Variants in MCFD2 observed in about 807,000 individuals in gnomAD.
MCFD2 encodes multiple coagulation factor deficiency 2, ER cargo receptor complex subunit, also known as multiple coagulation factor deficiency protein 2.
MCFD2 carries 11 observed loss-of-function variants against 12.8 expected under a neutral mutation model. That is an observed-to-expected ratio of 0.86 (90% CI 0.54 to 1.42). The LOEUF (loss-of-function observed/expected upper bound fraction) is 1.42, where lower values mean the gene tolerates loss of function less well. Ranked by LOEUF, MCFD2 falls within the 40% of genes most tolerant of loss-of-function variation. The pLI, the probability that MCFD2 is intolerant of heterozygous loss-of-function variation, is 0.00. For missense variants in MCFD2, 191 were observed against 178.6 expected, an observed-to-expected ratio of 1.07 and a Z score of -0.40; for synonymous variants, 70 against 68.1, an observed-to-expected ratio of 1.03 and a Z score of -0.14.
intron 3 of MCFD2, 197 bp from the exon 4 acceptor site, chr2:46,905,791 G>C (rs907570690): frequency 1.6e-6 from 1 of 644,276 alleles, no homozygotes; most frequent in Non-Finnish European, 2.8e-6. Context: ...CTACTTCTAG[G>C]AATCTAGATA....
At chr2:46,935,971 G>C (rs1384666500) in intron 1 of MCFD2, among the ~76,000 whole-genome samples, 2 of 151,936 alleles carry the variant, frequency 1.3e-5, no homozygotes, top group Non-Finnish European at 2.9e-5. Flanking sequence ...TGTGCCTGTA[G>C]TCCCAGCTAC....
chr2:46,917,127 C>T, upstream of MCFD2: 1 of 695,588 alleles, frequency 1.4e-6, no homozygotes, highest in Admixed American at 2.1e-5. Flanking sequence ...TTGAAATCTG[C>T]CACCCCATCC....
At chr2:46,916,152 A>T (rs1468810734), upstream of MCFD2, 2 of 985,102 alleles carry the variant, frequency 2.0e-6, no homozygotes, top group African/African-American at 3.5e-5. Flanking sequence ...AACTCCGCTC[A>T]CCCCCTCCTA....
chr2:46,935,399 C>T (rs935657705), intron 1 of MCFD2, among the ~76,000 whole-genome samples: 8 of 152,120 alleles, frequency 5.3e-5, no homozygotes, highest in African/African-American at 1.2e-4. Flanking sequence ...TCCTTTCTTG[C>T]CACTGAGCTT....
At chr2:46,909,247 G>C in intron 1 of MCFD2, 70 bp from the exon 2 acceptor site, 1 of 1,525,708 alleles carries the variant, frequency 6.6e-7, no homozygotes, top group Non-Finnish European at 8.9e-7. Context: ...GGCTTGACAT[G>C]GTATGATCCT....
At position 46,941,565 on chromosome 2, in the gene MCFD2, C is replaced by A; in HGVS notation, c.-8+7G>T. 6.4e-7 allele frequency: 1 copy of A among 1,556,578 alleles called. No individual in the cohort carries two copies. The highest frequency in any genetic ancestry group is 8.7e-7 in the Non-Finnish European group (1 of 1,150,708). On this transcript the variant is annotated splice_region_variant and intron_variant, in intron 1 of 2. Transcript: ENST00000409147. The surrounding 1 kb of genome is among the most constrained non-coding windows in gnomAD (Gnocchi z 4.2). ...AGATGGCTGCGAAGGGCGCGCACGG[C>A]TCCTACCTGAAGGTGGAGAGCGAGC...
At chr2:46,922,077 T>G (rs1451960475) in intron 1 of MCFD2, among the ~76,000 whole-genome samples, 2 of 152,230 alleles carry the variant, frequency 1.3e-5, no homozygotes, top group East Asian at 3.8e-4. Context: ...GGAAAGCTGA[T>G]TAGCTGGCAT....
chr2:46,915,519 C>G, intron 1 of MCFD2, among the ~76,000 whole-genome samples: 1 of 152,194 alleles, frequency 6.6e-6, no homozygotes, highest in East Asian at 1.9e-4. Context: ...TCGGCCCCGT[C>G]TGGCTCCAGA....
rs1254152099 is a variant in MCFD2 at position 46,937,763 on chromosome 2, T to C, written c.-8+3809A>G. ...CAACAGTGATTTCAAAGGCCATGGATTGCATAGGAAGCTGAAGGGGTTTGG... is the reference window on the plus strand; with the variant it reads ...CAACAGTGATTTCAAAGGCCATGGACTGCATAGGAAGCTGAAGGGGTTTGG... On this transcript the variant is annotated intron_variant, in intron 1 of 2. Coordinates refer to the MCFD2 transcript ENST00000409147. This position sits in a 1 kb window ranked among gnomAD's most constrained non-coding sequence, Gnocchi z 4.0. 1.3e-4 allele frequency among the ~76,000 whole-genome samples: 20 copies of C among 152,194 alleles called. No homozygotes were observed. Among genetic ancestry groups the C allele is most frequent in the Admixed American group, 1.3e-3 (20 of 15,280 alleles).
chr2:46,931,193 G>A (rs1296421649), intron 1 of MCFD2, among the ~76,000 whole-genome samples: 1 of 152,218 alleles, frequency 6.6e-6, no homozygotes, highest in African/African-American at 2.4e-5. Context: ...ATGGCTCACT[G>A]CAGCTTTCAG....
chr2:46,919,802 C>T (rs1176947924), upstream of MCFD2, among the ~76,000 whole-genome samples: 1 of 152,238 alleles, frequency 6.6e-6, no homozygotes, highest in East Asian at 1.9e-4. Context: ...ACTTAATACA[C>T]TGCCACCAAA....
chr2:46,923,889 C>G (rs755139953), intron 1 of MCFD2, among the ~76,000 whole-genome samples: 1 of 152,042 alleles, frequency 6.6e-6, no homozygotes, highest in Non-Finnish European at 1.5e-5. Flanking sequence ...CCTGCCACCA[C>G]GCCCAGCTAA....
Position 46,941,581 on chromosome 2 carries a change from G to A in MCFD2, c.-17C>T. ...CGCGCACGGCTCCTACCTGAAGGTG[G>A]AGAGCGAGCTGGAGCGCTGCCGCGC... On this transcript the variant is annotated 5_prime_UTR_variant, in exon 1 of 3. Coordinates refer to the MCFD2 transcript ENST00000409147. This position sits in a 1 kb window ranked among gnomAD's most constrained non-coding sequence, Gnocchi z 4.2. 6.4e-7 allele frequency: 1 copy of A among 1,557,648 alleles called. No homozygotes were observed. The highest frequency in any genetic ancestry group is 8.7e-7 in the Non-Finnish European group (1 of 1,151,378).
Position 46,907,979 on chromosome 2 carries a change from AAC to A in MCFD2, c.150-12_150-11del, listed in dbSNP as rs767195582. On this transcript the variant is annotated splice_polypyrimidine_tract_variant and intron_variant, in intron 2 of 3. Transcript: ENST00000319466. The surrounding 1 kb of genome is among the most constrained non-coding windows in gnomAD (Gnocchi z 4.1). ...ATGCTCCATGATATGCCTAAAAATC[AAC>A]AGTCAGGTTCAGGCCAATTGACAGA... is the stretch of plus-strand genomic sequence containing the variant. 6.2e-7 allele frequency: 1 copy of A among 1,614,080 alleles called. No homozygotes were observed. The highest frequency in any genetic ancestry group is 8.5e-7 in the Non-Finnish European group (1 of 1,180,028).
At chr2:46,934,787 CTT>C (rs1161003607) in intron 1 of MCFD2, among the ~76,000 whole-genome samples, 22,672 of 67,050 alleles carry the variant, frequency 0.34, 5,537 homozygotes, top group East Asian at 0.54. Context: ...GACTACTGCT[CTT>C]TTTTTTTTTT....
chr2:46,915,886 C>T (rs1341655947), upstream of MCFD2: 3 of 984,768 alleles, frequency 3.0e-6, no homozygotes, highest in Admixed American at 1.2e-4. Flanking sequence ...CCGGGCCCCT[C>T]CCGCTGGCGG....
At chr2:46,905,841 A>G in intron 3 of MCFD2, 2 of 594,024 alleles carry the variant, frequency 3.4e-6, no homozygotes, top group Middle Eastern at 3.0e-4. Context: ...AATTTATCAT[A>G]ATCCAGTTTA....
intron 1 of MCFD2, among the ~76,000 whole-genome samples, chr2:46,922,883 C>T (rs1418230210): frequency 6.6e-6 from 1 of 152,240 alleles, no homozygotes; most frequent in Non-Finnish European, 1.5e-5. Context: ...TTTTACAAAA[C>T]AGCCCTCTCT....
At chr2:46,915,806 GCCCCGCCCCCC>G, upstream of MCFD2, 1 of 512,574 alleles carries the variant, frequency 2.0e-6, no homozygotes, top group Non-Finnish European at 2.1e-6. Context: ...CCTCGGCTTC[GCCCCGCCCCCC>G]CCCCCCCCCC....
Sources: allele counts gnomAD v4.1 joint callset (sites outside exome capture counted in the v4.1 genomes callset), GRCh38; gene constraint gnomAD v4.1.1; non-coding constraint Gnocchi (gnomAD v3.1); transcripts MANE v1.5; gene names NCBI Gene and HGNC (gene_info 2026-07-23, HGNC 2026-07-21).